Variants in GRIK2 observed in about 807,000 individuals in gnomAD.
GRIK2 encodes the protein glutamate receptor ionotropic, kainate 2.
Under a neutral mutation model 100.3 loss-of-function variants are expected in GRIK2, and 32 were observed. The ratio of observed to expected loss-of-function variants is 0.32; its 90% CI spans 0.24 to 0.43. The LOEUF is 0.43. Ranked by LOEUF, GRIK2 falls within the 20% of genes least tolerant of loss-of-function variation. GRIK2 has a pLI of 1.00. For synonymous variants in GRIK2, 417 were observed against 389.4 expected, an observed-to-expected ratio of 1.07 and a Z score of -0.83; for missense variants, 843 against 1,114.9, an observed-to-expected ratio of 0.76 and a Z score of 3.47.
At chr6:102,013,870 G>GAT in intron 14 of GRIK2, among the ~76,000 whole-genome samples, 1 of 126,556 alleles carries the variant, frequency 7.9e-6, no homozygotes, top group East Asian at 2.2e-4. Flanking sequence ...GTTCATCAAG[G>GAT]ATATTGTCCT....
intron 1 of GRIK2, among the ~76,000 whole-genome samples, chr6:101,395,275 G>A (rs946774553): frequency 6.6e-6 from 1 of 152,176 alleles, no homozygotes; most frequent in African/African-American, 2.4e-5. Flanking sequence ...CACTTGCATG[G>A]AATAATAGGT....
At chr6:101,428,139 G>A (rs758747453) in intron 2 of GRIK2, among the ~76,000 whole-genome samples, 1 of 152,034 alleles carries the variant, frequency 6.6e-6, no homozygotes, top group East Asian at 1.9e-4. Flanking sequence ...TGTTTCATGT[G>A]AACCAGACCA....
intron 7 of GRIK2, among the ~76,000 whole-genome samples, chr6:101,692,890 T>G (rs1322076222): frequency 6.6e-6 from 1 of 152,090 alleles, no homozygotes; most frequent in Non-Finnish European, 1.5e-5. Flanking sequence ...GTACAACATT[T>G]GTTACATTTA....
At chr6:102,019,984 G>A (rs1188516037) in intron 14 of GRIK2, among the ~76,000 whole-genome samples, 1 of 151,850 alleles carries the variant, frequency 6.6e-6, no homozygotes, top group Non-Finnish European at 1.5e-5. Context: ...GACAGATGCA[G>A]CATTTTTAAA....
At chr6:101,600,709 G>C (rs998314690) in intron 2 of GRIK2, among the ~76,000 whole-genome samples, 17 of 151,536 alleles carry the variant, frequency 1.1e-4, no homozygotes, top group African/African-American at 4.1e-4. Flanking sequence ...TTGGCTCTCA[G>C]CTTGAACATT....
chr6:101,576,647 AT>A (rs1777802304), intron 2 of GRIK2, among the ~76,000 whole-genome samples: 1 of 152,066 alleles, frequency 6.6e-6, no homozygotes, highest in South Asian at 2.1e-4. Flanking sequence ...TGGTTTTCAA[AT>A]GCTAAGTTAA....
chr6:101,792,007 T>G (rs1407518526), intron 7 of GRIK2, among the ~76,000 whole-genome samples: 3 of 152,094 alleles, frequency 2.0e-5, no homozygotes, highest in Non-Finnish European at 4.4e-5. Context: ...AAAGTCTGTT[T>G]TATCAGAGAC....
At chr6:101,525,584 T>C (rs527600887) in intron 2 of GRIK2, among the ~76,000 whole-genome samples, 1 of 152,332 alleles carries the variant, frequency 6.6e-6, no homozygotes, top group South Asian at 2.1e-4. Context: ...CTGATACATT[T>C]AAAGGACCCA....
At chr6:101,395,884 T>C (rs537369358) in intron 1 of GRIK2, among the ~76,000 whole-genome samples, 1 of 152,248 alleles carries the variant, frequency 6.6e-6, no homozygotes, top group East Asian at 1.9e-4. Context: ...CTACAGAGCT[T>C]TGGCTCATAG....
In GRIK2 at chr6:101,744,242, A is replaced by C. The variant is rs1211097054; in HGVS notation, c.952-55406A>C. On this transcript the variant is annotated intron_variant, in intron 7 of 16. Transcript: ENST00000369134. ...CAGACATGAGCCGTCGTGCCCAGCC[A>C]GCAATATGTAGTCTTTTATCCCTTG... Among the ~76,000 whole-genome samples, 7 of 151,822 alleles carry C rather than the reference A, an allele frequency of 4.6e-5. No individual in the cohort carries two copies. The East Asian group carries it at 1.2e-3, about 25-fold the overall frequency.
At chr6:101,918,327 TTA>T (rs1383160781) in intron 12 of GRIK2, among the ~76,000 whole-genome samples, 4 of 151,764 alleles carry the variant, frequency 2.6e-5, no homozygotes, top group African/African-American at 4.8e-5. Flanking sequence ...TGGCTTAAAA[TTA>T]TATATGTTAT....
At chr6:101,444,839 TA>T (rs1770277323) in intron 2 of GRIK2, among the ~76,000 whole-genome samples, 1 of 152,062 alleles carries the variant, frequency 6.6e-6, no homozygotes. Context: ...TATCAGCATA[TA>T]CCTCTGTTTT....
intron 14 of GRIK2, among the ~76,000 whole-genome samples, chr6:101,999,139 T>A (rs1794802060): frequency 2.0e-5 from 3 of 152,102 alleles, no homozygotes. Flanking sequence ...TTGTTGACTG[T>A]AGGTTTGTAA....
intron 2 of GRIK2, among the ~76,000 whole-genome samples, chr6:101,596,698 A>G (rs1021193404): frequency 4.6e-5 from 7 of 151,698 alleles, no homozygotes; most frequent in African/African-American, 1.4e-4. Context: ...AATAGAGGCA[A>G]TGTTTTAACT....
intron 7 of GRIK2, among the ~76,000 whole-genome samples, chr6:101,751,786 T>C (rs868164740): frequency 6.6e-6 from 1 of 152,226 alleles, no homozygotes; most frequent in South Asian, 2.1e-4. Context: ...TTAATCACAC[T>C]TAACGTTGGA....
intron 12 of GRIK2, among the ~76,000 whole-genome samples, chr6:101,921,056 G>A (rs986532699): frequency 6.6e-6 from 1 of 151,970 alleles, no homozygotes; most frequent in Non-Finnish European, 1.5e-5. Context: ...AACAGAAAAT[G>A]GGAAGGGCAA....
intron 2 of GRIK2, chr6:101,430,408 A>G (rs906836678): frequency 6.7e-5 from 14 of 207,672 alleles, no homozygotes; most frequent in Non-Finnish European, 1.0e-5. Context: ...CTCACAGCCT[A>G]TTCTGCTGGG....
chr6:101,543,937 A>T (rs941940003), intron 2 of GRIK2, among the ~76,000 whole-genome samples: 2 of 152,164 alleles, frequency 1.3e-5, no homozygotes, highest in African/African-American at 4.8e-5. Flanking sequence ...CCAGTGATAG[A>T]AAATGATTGA....
intron 2 of GRIK2, among the ~76,000 whole-genome samples, chr6:101,595,428 A>G (rs982763469): frequency 5.3e-5 from 8 of 151,636 alleles, no homozygotes; most frequent in African/African-American, 1.7e-4. Context: ...ATACATCTTT[A>G]TTTATAAAAA....
Sources: gnomAD v4.1 joint callset for allele counts (sites outside exome capture counted in the v4.1 genomes callset) on GRCh38, gnomAD v4.1.1 for gene constraint, MANE v1.5 for transcripts, NCBI Gene and HGNC (gene_info 2026-07-23, HGNC 2026-07-21) for gene names.